The following VCAN variants were observed in gnomAD, a reference collection of about 807,000 sequenced individuals.
VCAN encodes versican core protein.
In VCAN, 44 loss-of-function variants were observed where a neutral mutation model predicts 245.5. The observed-to-expected ratio is 0.18, with a 90% CI of 0.14 to 0.23. VCAN has a LOEUF of 0.23. Ranked by LOEUF, VCAN falls within the 10% of genes least tolerant of loss-of-function variation. VCAN has a pLI of 1.00. For missense variants in VCAN, 3,793 were observed against 4,057.9 expected (o/e 0.93, Z 1.77); for synonymous variants, 1,413 against 1,437.0 (o/e 0.98, Z 0.38).
chr5:83,526,662 A>G (rs553971560), intron 7 of VCAN, among the ~76,000 whole-genome samples: 1 of 152,346 alleles, frequency 6.6e-6, no homozygotes, highest in Admixed American at 6.5e-5. Flanking sequence ...GATTATCTAT[A>G]TCTTTATCTC....
intron 1 of VCAN, among the ~76,000 whole-genome samples, chr5:83,482,576 A>C (rs1224447485): frequency 1.3e-5 from 2 of 152,210 alleles, no homozygotes; most frequent in Non-Finnish European, 2.9e-5. Flanking sequence ...GCTACCGAGG[A>C]GGGCACAACT....
rs1412706111 is a variant in VCAN at position 83,519,635 on chromosome 5, T to C, written c.1329T>C (p.Ala443=). 6.2e-7 allele frequency: 1 copy of C among 1,614,150 alleles called. No individual in the cohort carries two copies. The highest frequency in any genetic ancestry group is 1.1e-5 in the South Asian group (1 of 91,084). Residue 443 remains alanine (A), a synonymous_variant, in exon 7 of 15, where the codon GCT becomes GCC. Transcript: ENST00000265077. ...PWDMDDYSPS[A]SGPLGKLDIS... ...ATATGGATGACTACTCACCTTCTGC[T>C]TCAGGACCTCTTGGAAAGCTAGACA...
Position 83,538,999 on chromosome 5 carries a change from T to C in VCAN, c.5996T>C (p.Phe1999Ser). ...AGCACCATGGTCAGCACTTCAGCCT[T>C]CCCCTGGGAAGAGTTTACATCCTCA... ...PSSTMVSTSA[F>S]PWEEFTSSAE... The change falls in exon 8 of 15, where the codon TTC becomes TCC. Residue 1999 changes from phenylalanine to serine, a missense_variant. Physicochemically the swap from Phe to Ser is radical, Grantham distance 155. Around this residue, in one of 5 missense-constraint regions of VCAN, gnomAD observed 3,182 missense variants for 3,250.3 expected, o/e 0.98. Coordinates refer to ENST00000265077, the MANE Select transcript of VCAN (RefSeq NM_004385.5). The C allele has an allele frequency of 6.2e-7, 1 of 1,613,972 alleles. No homozygotes were observed. Among genetic ancestry groups the C allele is most frequent in the Non-Finnish European group, 8.5e-7 (1 of 1,179,954 alleles).
intron 12 of VCAN, among the ~76,000 whole-genome samples, chr5:83,559,112 C>T (rs1472747627): frequency 6.6e-6 from 1 of 152,132 alleles, no homozygotes; most frequent in Non-Finnish European, 1.5e-5. Flanking sequence ...AATTGCTTTG[C>T]TTGTCACCCA....
Position 83,540,997 on chromosome 5 carries a change from A to T in VCAN, c.7994A>T (p.His2665Leu), listed in dbSNP as rs1315021286. The change falls in exon 8 of 15, where the codon CAC becomes CTC. Residue 2665 changes from histidine (H) to leucine (L), a missense_variant. Physicochemically the swap from His to Leu is moderately conservative, Grantham distance 99. Around this residue, in one of 5 missense-constraint regions of VCAN, gnomAD observed 3,182 missense variants for 3,250.3 expected, o/e 0.98. Transcript: ENST00000265077. ...TATGAAGATAGAAGCCAACTAGATC[A>T]CATGGGCTTTCACTTCACAACTGGG... is the stretch of plus-strand genomic sequence containing the variant. Reference protein sequence around the residue: ...MTYEDRSQLDHMGFHFTTGIP... With the variant: ...MTYEDRSQLDLMGFHFTTGIP... 1.2e-6 allele frequency: 2 copies of T among 1,614,140 alleles called. No individual in the cohort carries two copies. Among genetic ancestry groups the T allele is most frequent in the South Asian group, 2.2e-5 (2 of 91,082 alleles).
intron 7 of VCAN, among the ~76,000 whole-genome samples, chr5:83,524,674 A>G (rs1012748762): frequency 6.6e-6 from 1 of 151,998 alleles, no homozygotes; most frequent in Non-Finnish European, 1.5e-5. Context: ...AATGAAGTTT[A>G]CTCACCTCTA....
At chr5:83,514,480 C>T (rs1272245351) in intron 6 of VCAN, among the ~76,000 whole-genome samples, 3 of 140,200 alleles carry the variant, frequency 2.1e-5, no homozygotes, top group Admixed American at 1.5e-4. Context: ...GGTGGAGTTT[C>T]GCTCTTGTTG....
intron 2 of VCAN, 22 bp from the exon 3 acceptor site, chr5:83,490,076 T>G (rs1222866483): frequency 6.2e-7 from 1 of 1,613,108 alleles, no homozygotes; most frequent in East Asian, 2.2e-5. Flanking sequence ...ATTGTTAATT[T>G]GTTATTTTCT....
intron 9 of VCAN, among the ~76,000 whole-genome samples, chr5:83,546,476 G>T (rs1299374445): frequency 6.6e-6 from 1 of 151,864 alleles, no homozygotes; most frequent in African/African-American, 2.4e-5. Context: ...AGTCAACGAG[G>T]CCAGCGCGGT....
intron 9 of VCAN, among the ~76,000 whole-genome samples, chr5:83,547,112 C>A (rs888132700): frequency 7.9e-5 from 12 of 152,038 alleles, no homozygotes; most frequent in African/African-American, 2.9e-4. Context: ...GGTATGCCTA[C>A]TTAGGGGTTT....
intron 12 of VCAN, among the ~76,000 whole-genome samples, chr5:83,558,587 A>G (rs1747757202): frequency 6.6e-6 from 1 of 152,174 alleles, no homozygotes; most frequent in Non-Finnish European, 1.5e-5. Context: ...CTCAATTTCA[A>G]TGATCCATTT....
In VCAN at chr5:83,520,045, T is replaced by C. The variant is rs749769785; in HGVS notation, c.1739T>C (p.Ile580Thr). ...TLIFDQIPEV[I>T]TVSKTSEDTI... ...ATCTTTGACCAAATTCCTGAAGTCA[T>C]TACGGTGTCAAAGACTTCAGAAGAC... Residue 580 changes from isoleucine (I) to threonine (T), a missense_variant, in exon 7 of 15, where the codon ATT becomes ACT. Ile to Thr is a moderately conservative substitution (Grantham distance 89, BLOSUM62 -1). Transcript: ENST00000265077. The C allele has an allele frequency of 2.5e-6, 4 of 1,614,078 alleles. No homozygotes were observed. In the South Asian group the frequency reaches 3.3e-5, roughly 13 times the overall value.
intron 13 of VCAN, 70 bp downstream of exon 13, chr5:83,572,630 T>A (rs1748328044): frequency 6.3e-7 from 1 of 1,588,668 alleles, no homozygotes; most frequent in Non-Finnish European, 8.6e-7. Flanking sequence ...CAGGAATTTG[T>A]GTCTCAAATT....
At chr5:83,484,491 TCATCCATCCATCCATCCTTC>T (rs1561225692) in intron 2 of VCAN, among the ~76,000 whole-genome samples, 1 of 148,448 alleles carries the variant, frequency 6.7e-6, no homozygotes, top group African/African-American at 2.5e-5. Context: ...ATCCATGTAT[TCATCCATCCATCCATCCTTC>T]CATCCATCCA....
intron 5 of VCAN, among the ~76,000 whole-genome samples, chr5:83,496,877 T>C (rs914357538): frequency 6.6e-6 from 1 of 152,230 alleles, no homozygotes; most frequent in African/African-American, 2.4e-5. Flanking sequence ...TTGTGGAAAG[T>C]TGACTACATA....
rs566531133 is a variant in VCAN, at chr5:83,544,077, T to C, written c.9266-1460T>C. On this transcript the variant is annotated intron_variant, in intron 8 of 14. Coordinates refer to ENST00000265077, the MANE Select transcript of VCAN (RefSeq NM_004385.5). ...TTCACATTTGTGTGGCACATCACAG[T>C]CTGATAAAGCACTTTCACCTAGTGT... Among the ~76,000 whole-genome samples the C allele has an allele frequency of 2.6e-5, 4 of 152,362 alleles. No individual in the cohort carries two copies. The South Asian group carries it at 8.3e-4, about 32-fold the overall frequency.
chr5:83,547,300 C>T (rs1747263875), intron 9 of VCAN, among the ~76,000 whole-genome samples: 1 of 152,130 alleles, frequency 6.6e-6, no homozygotes, highest in South Asian at 2.1e-4. Flanking sequence ...GTTGTCTCCA[C>T]CTCAAAGTAT....
intron 1 of VCAN, among the ~76,000 whole-genome samples, chr5:83,483,292 C>T (rs1037468633): frequency 2.6e-5 from 4 of 152,198 alleles, no homozygotes; most frequent in Admixed American, 6.5e-5. Flanking sequence ...GTAATGGCTG[C>T]ATTGGATGAG....
intron 12 of VCAN, among the ~76,000 whole-genome samples, chr5:83,561,303 A>T (rs1445206332): frequency 6.6e-6 from 1 of 152,058 alleles, no homozygotes; most frequent in Admixed American, 6.6e-5. Flanking sequence ...ACTAAATCAC[A>T]GATTCATAAA....
Sources: gnomAD v4.1 joint callset for allele counts (sites outside exome capture counted in the v4.1 genomes callset) on GRCh38, gnomAD v4.1.1 for gene constraint, gnomAD v4.1.1 regional missense constraint, MANE v1.5 for transcripts, NCBI Gene and HGNC (gene_info 2026-07-23, HGNC 2026-07-21) for gene names.